Variants in PGD observed in about 807,000 individuals in gnomAD.
PGD encodes phosphogluconate dehydrogenase.
PGD carries 21 observed loss-of-function variants against 60.4 expected under a neutral mutation model. The ratio of observed to expected loss-of-function variants is 0.35; its 90% CI spans 0.25 to 0.50. The LOEUF is 0.50. PGD is among the 20% of genes least tolerant of loss of function. The pLI, the probability that PGD is intolerant of heterozygous loss-of-function variation, is 0.98. For synonymous variants in PGD, 230 were observed against 235.9 expected, an observed-to-expected ratio of 0.97 and a Z score of 0.23; for missense variants, 477 against 613.1, an observed-to-expected ratio of 0.78 and a Z score of 2.34.
intron 3 of PGD, among the ~76,000 whole-genome samples, chr1:10,402,386 A>G (rs1639329709): frequency 6.6e-6 from 1 of 151,786 alleles, no homozygotes; most frequent in Non-Finnish European, 1.5e-5. Flanking sequence ...AAACTTTTAA[A>G]TAGTGTGCAG....
In PGD at chr1:10,413,256, T is replaced by G. The variant is rs1435068665; in HGVS notation, c.844+5T>G. 2 of 1,611,500 alleles carry G rather than the reference T, an allele frequency of 1.2e-6. No individual in the cohort carries two copies. Among genetic ancestry groups the G allele is most frequent in the African/African-American group, 2.7e-5 (2 of 74,882 alleles). ...GCGTACCCGTCACCCTCATTGGTAA[T>G]GTTATGCTTTTCACATGGGCCCTTT... On this transcript the variant is annotated splice_donor_5th_base_variant and intron_variant, in intron 8 of 12. Transcript: ENST00000270776.
rs894054365 is a variant in PGD at position 10,419,882 on chromosome 1, GAC to G, written c.*139_*140del. ...AGTGTTGTAAGAGACTCCTGAGGAAGACACACAGTTTATTTGTAAAGTAGCTC... is the reference window on the plus strand; with the variant it reads ...AGTGTTGTAAGAGACTCCTGAGGAAGACACAGTTTATTTGTAAAGTAGCTC... On this transcript the variant is annotated 3_prime_UTR_variant, in exon 13 of 13. Coordinates refer to ENST00000270776, the MANE Select transcript of PGD (RefSeq NM_002631.4). The G allele has an allele frequency of 2.1e-5, 22 of 1,070,052 alleles. No homozygotes were observed. In the African/African-American group the frequency reaches 2.5e-4, roughly 12 times the overall value. The allele number at this position is 1,070,052 out of a possible 1,614,324, so 66.3% of individuals were successfully genotyped here. A position where few individuals can be genotyped will look rare whatever the true frequency, so the allele number is the denominator to read the frequency against.
Position 10,400,588 on chromosome 1 carries a change from C to A in PGD, c.264+16C>A. The A allele has an allele frequency of 6.3e-7, 1 of 1,590,222 alleles. No individual in the cohort carries two copies. Among genetic ancestry groups the A allele is most frequent in the Non-Finnish European group, 8.6e-7 (1 of 1,166,334 alleles). On this transcript the variant is annotated intron_variant, in intron 3 of 12. Coordinates refer to ENST00000270776, the MANE Select transcript of PGD (RefSeq NM_002631.4). Reference sequence around the variant, plus strand: ...CGAGAAATTGGTGAGGCCAGCTGTGCTCTCAGCTGCTACCACGATAGCAGC... The same window carrying A: ...CGAGAAATTGGTGAGGCCAGCTGTGATCTCAGCTGCTACCACGATAGCAGC...
At chr1:10,419,039 CGCTCTGTCACCCAGGCTGGAGTACA>C (rs1639645221) in intron 11 of PGD, 114 bp downstream of exon 11, 1 of 663,940 alleles carries the variant, frequency 1.5e-6, no homozygotes, top group Non-Finnish European at 2.6e-6. Flanking sequence ...GACAGAGTCT[CGCTCTGTCACCCAGGCTGGAGTACA>C]GTGGCATGAT....
At chr1:10,404,904 T>C (rs1436530085) in intron 5 of PGD, among the ~76,000 whole-genome samples, 1 of 152,156 alleles carries the variant, frequency 6.6e-6, no homozygotes, top group Non-Finnish European at 1.5e-5. Flanking sequence ...AAAAGTAACT[T>C]AATGTGATAA....
At chr1:10,406,498 C>G (rs1639408028) in intron 5 of PGD, among the ~76,000 whole-genome samples, 1 of 152,202 alleles carries the variant, frequency 6.6e-6, no homozygotes, top group African/African-American at 2.4e-5. Flanking sequence ...ATGGAGTGCT[C>G]CAGTTGTTTC....
intron 10 of PGD, 67 bp from the exon 11 acceptor site, chr1:10,418,759 G>A: frequency 2.2e-6 from 2 of 924,218 alleles, no homozygotes; most frequent in African/African-American, 1.7e-5. Flanking sequence ...TGGTGACAAA[G>A]CGGGACTCCG....
Position 10,400,496 on chromosome 1 carries a change from C to G in PGD, c.188C>G (p.Ser63Cys). The change falls in exon 3 of 13, where the codon TCC becomes TGC. Residue 63 changes from serine to cysteine, a missense_variant. By Grantham distance (112) the Ser-to-Cys change is moderately radical. Around this residue, in one of 3 missense-constraint regions of PGD, gnomAD observed 431 missense variants for 556.6 expected, o/e 0.77. Coordinates refer to ENST00000270776, the MANE Select transcript of PGD (RefSeq NM_002631.4). ...GCCCAGTCCCTGAAAGAGATGGTCTCCAAGCTGAAGAAGCCCCGGCGGATC... is the reference window on the plus strand; with the variant it reads ...GCCCAGTCCCTGAAAGAGATGGTCTGCAAGCTGAAGAAGCCCCGGCGGATC... ...VGAQSLKEMV[S>C]KLKKPRRIIL... 1 of 1,614,046 alleles carries G rather than the reference C, an allele frequency of 6.2e-7. No individual in the cohort carries two copies. The highest frequency in any genetic ancestry group is 8.5e-7 in the Non-Finnish European group (1 of 1,179,974).
rs543426528 is a variant in PGD, at chr1:10,409,649, C to CTTTTTTTTT, written c.519+1527_519+1535dup. Among the ~76,000 whole-genome samples the CTTTTTTTTT allele has an allele frequency of 3.5e-3, 261 of 75,400 alleles. 36 individuals are homozygous for CTTTTTTTTT. Among genetic ancestry groups the CTTTTTTTTT allele is most frequent in the African/African-American group, 0.014 (228 of 16,418 alleles). 49.5% of individuals were successfully genotyped at this position (75,400 alleles called of 152,430 possible). ...CTGCAATAAAAGTGAGTGGTAGCAACTTTTTTTTTTTTTTTTTTTTTTTTT... is the reference window on the plus strand; with the variant it reads ...CTGCAATAAAAGTGAGTGGTAGCAACTTTTTTTTTTTTTTTTTTTTTTTTTTTTTTTTTT... On this transcript the variant is annotated intron_variant, in intron 6 of 12. Coordinates refer to ENST00000270776, the MANE Select transcript of PGD (RefSeq NM_002631.4).
At chr1:10,412,683 C>T (rs958370334) in intron 7 of PGD, among the ~76,000 whole-genome samples, 1 of 152,132 alleles carries the variant, frequency 6.6e-6, no homozygotes, top group Non-Finnish European at 1.5e-5. Flanking sequence ...GCTGGGAAGA[C>T]AGACAGAAAT....
chr1:10,405,377 A>G (rs887182656), intron 5 of PGD, among the ~76,000 whole-genome samples: 16 of 135,638 alleles, frequency 1.2e-4, no homozygotes, highest in Admixed American at 8.6e-4. Context: ...TTCAAAAACA[A>G]AACAAAACAA....
At chr1:10,412,918 C>T (rs1319871850) in intron 7 of PGD, 144 bp from the exon 8 acceptor site, 4 of 637,376 alleles carry the variant, frequency 6.3e-6, no homozygotes, top group African/African-American at 1.8e-5. Context: ...TAAAACTCAA[C>T]CAGCAGGAGC....
chr1:10,411,694 GT>G (rs1639503821), intron 7 of PGD, 142 bp downstream of exon 7: 3 of 849,630 alleles, frequency 3.5e-6, no homozygotes, highest in Non-Finnish European at 5.6e-6. Flanking sequence ...GAAACTGTTA[GT>G]AATAGGCCTA....
At chr1:10,401,295 A>T (rs1349688551) in intron 3 of PGD, among the ~76,000 whole-genome samples, 1 of 152,260 alleles carries the variant, frequency 6.6e-6, no homozygotes, top group African/African-American at 2.4e-5. Flanking sequence ...TTTAGCAGGT[A>T]TATCTTTTTT....
chr1:10,413,907 A>G (rs1028999989), intron 8 of PGD, among the ~76,000 whole-genome samples: 1 of 150,452 alleles, frequency 6.6e-6, no homozygotes, highest in African/African-American at 2.4e-5. Flanking sequence ...TTCGTCTCAA[A>G]AAAAAAAAAA....
chr1:10,412,756 TC>T (rs1427630541), intron 7 of PGD: 1 of 264,118 alleles, frequency 3.8e-6, no homozygotes, highest in Non-Finnish European at 7.3e-6. Flanking sequence ...TGGGACAAGA[TC>T]CGGTGATTGC....
In PGD at chr1:10,399,609, T is replaced by C. The variant is rs1639278023; in HGVS notation, c.9-20T>C. ...CGAGCGGTGCTGACTCTTTCCTTTG[T>C]TCTGTTTCTGCCTCTCTAGAGCTGA... On this transcript the variant is annotated intron_variant, in intron 1 of 12. Transcript: ENST00000270776. 6.2e-7 allele frequency: 1 copy of C among 1,611,098 alleles called. No homozygotes were observed. Among genetic ancestry groups the C allele is most frequent in the Non-Finnish European group, 8.5e-7 (1 of 1,178,290 alleles).
At chr1:10,400,941 A>G (rs890506778) in intron 3 of PGD, among the ~76,000 whole-genome samples, 1 of 152,212 alleles carries the variant, frequency 6.6e-6, no homozygotes, top group African/African-American at 2.4e-5. Context: ...AAAATTAAAA[A>G]ATTAGCTGGG....
At position 10,419,467 on chromosome 1, in the gene PGD, G is replaced by A. The variant is rs1197153197; in HGVS notation, c.1260G>A (p.Met420Ile). The A allele has an allele frequency of 2.5e-6, 4 of 1,614,144 alleles. No homozygotes were observed. The highest frequency in any genetic ancestry group is 3.4e-6 in the Non-Finnish European group (4 of 1,180,032). ...CTGGGGTCCAGGCTGGCATTCCCAT[G>A]CCCTGTTTTACCACTGCCCTCTCCT... ...VSTGVQAGIPMPCFTTALSFY... is the reference protein window; with the variant it reads ...VSTGVQAGIPIPCFTTALSFY... Residue 420 changes from methionine (M) to isoleucine (I), a missense_variant, in exon 12 of 13, where the codon ATG becomes ATA. Met to Ile is a conservative substitution (Grantham distance 10). Around this residue, in one of 3 missense-constraint regions of PGD, gnomAD observed 431 missense variants for 556.6 expected, o/e 0.77. Transcript: ENST00000270776.
Sources: allele counts gnomAD v4.1 joint callset (sites outside exome capture counted in the v4.1 genomes callset), GRCh38; gene constraint gnomAD v4.1.1; regional missense constraint gnomAD v4.1.1; transcripts MANE v1.5; gene names NCBI Gene and HGNC (gene_info 2026-07-23, HGNC 2026-07-21).